JARID2: variants seen among roughly 807,000 people sequenced by gnomAD.
The protein encoded by JARID2 is protein Jumonji.
A neutral mutation model predicts 125.6 loss-of-function variants in JARID2; 21 were observed. That is an observed-to-expected ratio of 0.17 (90% CI 0.12 to 0.24). The LOEUF (loss-of-function observed/expected upper bound fraction) is 0.24. JARID2 is among the 10% of genes least tolerant of loss of function. The pLI, the probability that JARID2 is intolerant of heterozygous loss-of-function variation, is 1.00. For synonymous variants in JARID2, 736 were observed against 661.6 expected, an observed-to-expected ratio of 1.11 and a Z score of -1.73; for missense variants, 1,303 against 1,639.6, an observed-to-expected ratio of 0.79 and a Z score of 3.55.
intron 1 of JARID2, among the ~76,000 whole-genome samples, chr6:15,279,630 C>T (rs1760675718): frequency 6.6e-6 from 1 of 152,224 alleles, no homozygotes; most frequent in South Asian, 2.1e-4. Context: ...GCTTTCCCAG[C>T]ACAACTTTCT....
intron 3 of JARID2, among the ~76,000 whole-genome samples, chr6:15,419,709 C>T (rs1275285415): frequency 2.0e-5 from 3 of 152,190 alleles, no homozygotes; most frequent in Non-Finnish European, 4.4e-5. Flanking sequence ...GACACTGCCC[C>T]ACTGTCCCGA....
chr6:15,327,363 T>C (rs1408381075), intron 1 of JARID2, among the ~76,000 whole-genome samples: 1 of 152,080 alleles, frequency 6.6e-6, no homozygotes, highest in Non-Finnish European at 1.5e-5. Context: ...CCCCTGCACA[T>C]TTTCATATTA....
At chr6:15,491,188 A>G (rs1414520097) in intron 6 of JARID2, among the ~76,000 whole-genome samples, 6 of 152,238 alleles carry the variant, frequency 3.9e-5, no homozygotes, top group African/African-American at 1.4e-4. Flanking sequence ...TTCTCATGAC[A>G]TTATTTTGTC....
intron 3 of JARID2, among the ~76,000 whole-genome samples, chr6:15,443,502 C>T (rs1767533397): frequency 6.6e-6 from 1 of 152,100 alleles, no homozygotes; most frequent in Non-Finnish European, 1.5e-5. Flanking sequence ...TTCTAAAGTG[C>T]TAGGTGGTAG....
chr6:15,343,452 A>C (rs1197478196), intron 1 of JARID2, among the ~76,000 whole-genome samples: 2 of 152,182 alleles, frequency 1.3e-5, no homozygotes, highest in Admixed American at 1.3e-4. Context: ...ATGATGGTGA[A>C]TATCCCATTA....
intron 17 of JARID2, among the ~76,000 whole-genome samples, chr6:15,518,201 C>CA (rs1413059904): frequency 6.6e-6 from 1 of 152,250 alleles, no homozygotes; most frequent in East Asian, 1.9e-4. Flanking sequence ...ACGAGCATGG[C>CA]TCTGGCACCT....
At chr6:15,340,305 T>C (rs1020306484) in intron 1 of JARID2, among the ~76,000 whole-genome samples, 1 of 152,246 alleles carries the variant, frequency 6.6e-6, no homozygotes, top group Non-Finnish European at 1.5e-5. Flanking sequence ...AGGAAGCTGA[T>C]GTCCAGTGAG....
intron 1 of JARID2, among the ~76,000 whole-genome samples, chr6:15,307,165 C>G (rs994814014): frequency 6.6e-6 from 1 of 151,898 alleles, no homozygotes; most frequent in African/African-American, 2.4e-5. Context: ...TCGCCTGAAC[C>G]CCGGAGGTGG....
chr6:15,253,620 T>G (rs1759540122), intron 1 of JARID2, among the ~76,000 whole-genome samples: 1 of 151,062 alleles, frequency 6.6e-6, no homozygotes, highest in Admixed American at 6.6e-5. Flanking sequence ...GGTTTCTGGT[T>G]TTTTTTTTAC....
chr6:15,304,625 A>G (rs1323812023), intron 1 of JARID2, among the ~76,000 whole-genome samples: 5 of 152,098 alleles, frequency 3.3e-5, no homozygotes, highest in Admixed American at 3.3e-4. Context: ...CATCTCTTTA[A>G]AAAAATCAAT....
chr6:15,391,815 C>T (rs1012283223), intron 2 of JARID2, among the ~76,000 whole-genome samples: 1 of 152,132 alleles, frequency 6.6e-6, no homozygotes, highest in African/African-American at 2.4e-5. Flanking sequence ...CTCTTTGTCT[C>T]ATTTGGTTTT....
chr6:15,353,758 T>G (rs1194872020), intron 1 of JARID2, among the ~76,000 whole-genome samples: 1 of 152,166 alleles, frequency 6.6e-6, no homozygotes, highest in Non-Finnish European at 1.5e-5. Flanking sequence ...TTCTTTTCAA[T>G]CAAAACAATT....
intron 1 of JARID2, among the ~76,000 whole-genome samples, chr6:15,281,621 T>C (rs898609308): frequency 2.6e-5 from 4 of 152,238 alleles, no homozygotes; most frequent in African/African-American, 9.6e-5. Flanking sequence ...ATAAATGGAA[T>C]GTAAGGTTAT....
intron 4 of JARID2, among the ~76,000 whole-genome samples, chr6:15,468,103 T>G (rs909922439): frequency 3.3e-5 from 5 of 151,690 alleles, no homozygotes; most frequent in Non-Finnish European, 7.4e-5. Context: ...ATATTCCTTA[T>G]GAATACAACA....
At chr6:15,365,769 T>C (rs1372468130) in intron 1 of JARID2, among the ~76,000 whole-genome samples, 1 of 152,180 alleles carries the variant, frequency 6.6e-6, no homozygotes, top group Non-Finnish European at 1.5e-5. Flanking sequence ...TTTGCTGCTT[T>C]GAAGTGCTTT....
At chr6:15,357,596 ATTT>A (rs560143812) in intron 1 of JARID2, among the ~76,000 whole-genome samples, 1 of 150,702 alleles carries the variant, frequency 6.6e-6, no homozygotes, top group South Asian at 2.1e-4. Context: ...TTATTTATTG[ATTT>A]TTTTTTTAAT....
intron 2 of JARID2, among the ~76,000 whole-genome samples, chr6:15,385,103 G>A (rs1764735601): frequency 1.3e-5 from 2 of 152,206 alleles, no homozygotes; most frequent in African/African-American, 4.8e-5. Flanking sequence ...TGCTCTTAAT[G>A]TGAAAGCGAA....
intron 5 of JARID2, among the ~76,000 whole-genome samples, chr6:15,478,150 G>A (rs1769439150): frequency 6.6e-6 from 1 of 152,192 alleles, no homozygotes; most frequent in South Asian, 2.1e-4. Context: ...GTTTGGTGTT[G>A]TTACCTTCGT....
chr6:15,304,615 C>A (rs1262044939), intron 1 of JARID2, among the ~76,000 whole-genome samples: 1 of 152,046 alleles, frequency 6.6e-6, no homozygotes, highest in Non-Finnish European at 1.5e-5. Flanking sequence ...ACCCTTTAAT[C>A]ATCTCTTTAA....
Sources: allele counts gnomAD v4.1 joint callset (sites outside exome capture counted in the v4.1 genomes callset), GRCh38; gene constraint gnomAD v4.1.1; transcripts MANE v1.5; gene names NCBI Gene and HGNC (gene_info 2026-07-23, HGNC 2026-07-21).